CCDC66: variants seen among roughly 807,000 people sequenced by gnomAD.
CCDC66 encodes coiled-coil domain-containing protein 66.
In CCDC66, 133 loss-of-function variants were observed where a neutral mutation model predicts 128.3. That is an observed-to-expected ratio of 1.04 (90% CI 0.90 to 1.20). The LOEUF (loss-of-function observed/expected upper bound fraction) is 1.20, where lower values mean the gene tolerates loss of function less well. CCDC66 is among the 50% of genes most tolerant of loss of function. CCDC66 has a pLI of 0.00. For synonymous variants in CCDC66, 387 were observed against 357.0 expected, an observed-to-expected ratio of 1.08 and a Z score of -0.95; for missense variants, 1,126 against 1,075.5, an observed-to-expected ratio of 1.05 and a Z score of -0.66.
chr3:56,573,946 G>A (rs1199645372), intron 7 of CCDC66, among the ~76,000 whole-genome samples: 1 of 151,338 alleles, frequency 6.6e-6, no homozygotes, highest in East Asian at 2.0e-4. Context: ...AAAAATTTTT[G>A]GAATCAAAAG....
Position 56,618,165 on chromosome 3 carries a change from A to G in CCDC66, c.2338-7A>G. 9 of 1,608,208 alleles carry G rather than the reference A, an allele frequency of 5.6e-6. No individual in the cohort carries two copies. The highest frequency in any genetic ancestry group is 6.8e-6 in the Non-Finnish European group (8 of 1,174,804). On this transcript the variant is annotated splice_region_variant and splice_polypyrimidine_tract_variant and intron_variant, in intron 14 of 17. Coordinates refer to ENST00000394672, the MANE Select transcript of CCDC66 (RefSeq NM_001141947.3). ...TTCCTTTCTGCATTTATCTATCCAT[A>G]TTTTAGGAAGAAGAGCCTCTGAATA... is the stretch of plus-strand genomic sequence containing the variant.
chr3:56,619,917 A>C lies in CCDC66; in HGVS notation c.2760+16A>C. 1 of 1,612,734 alleles carries C rather than the reference A, an allele frequency of 6.2e-7. No individual in the cohort carries two copies. Among genetic ancestry groups the C allele is most frequent in the Non-Finnish European group, 8.5e-7 (1 of 1,179,384 alleles). The stretch of plus-strand genomic sequence containing the variant: ...ACTGAGACAGGTATGAGCTTTTTCA[A>C]GTGTAGATATGTCTGTTCTTTATGT... On this transcript the variant is annotated intron_variant, in intron 17 of 17. Transcript: ENST00000394672.
chr3:56,564,393 T>C (rs1195456386), intron 4 of CCDC66, among the ~76,000 whole-genome samples: 1 of 152,212 alleles, frequency 6.6e-6, no homozygotes, highest in Non-Finnish European at 1.5e-5. Context: ...ACTATTATTA[T>C]ACTTATTTTA....
chr3:56,581,011 A>C (rs988618647), intron 7 of CCDC66, among the ~76,000 whole-genome samples: 3 of 151,838 alleles, frequency 2.0e-5, no homozygotes, highest in Non-Finnish European at 4.4e-5. Flanking sequence ...GTGTTTTCCA[A>C]CTTGGTTCCA....
intron 10 of CCDC66, among the ~76,000 whole-genome samples, chr3:56,599,623 A>T (rs2107098998): frequency 6.6e-6 from 1 of 151,186 alleles, no homozygotes; most frequent in East Asian, 1.9e-4. Context: ...ATTTTTTTAA[A>T]TTTTTTCCTT....
At chr3:56,580,837 T>G (rs1450191393) in intron 7 of CCDC66, among the ~76,000 whole-genome samples, 1 of 151,870 alleles carries the variant, frequency 6.6e-6, no homozygotes, top group African/African-American at 2.4e-5. Context: ...CTGGCTGCCC[T>G]TAACATTTTT....
Position 56,563,688 on chromosome 3 carries a change from G to C in CCDC66, c.107G>C (p.Gly36Ala). 6.5e-7 allele frequency: 1 copy of C among 1,546,128 alleles called. No homozygotes were observed. ...AAGCTTCTGGTGTTTTAACAGATGG[G>C]AAATAAGGCCAAGATTGCAAAATGT... Reference protein sequence around the residue: ...EHKSKISVKMGNKAKIAKCPL... With the variant: ...EHKSKISVKMANKAKIAKCPL... Residue 36 changes from glycine (G) to alanine (A), a missense_variant, in exon 4 of 18, where the codon GGA becomes GCA. By Grantham distance (60) the Gly-to-Ala change is moderately conservative. Coordinates refer to ENST00000394672, the MANE Select transcript of CCDC66 (RefSeq NM_001141947.3).
At chr3:56,606,410 C>T (rs889356147) in intron 10 of CCDC66, among the ~76,000 whole-genome samples, 5 of 152,074 alleles carry the variant, frequency 3.3e-5, no homozygotes, top group African/African-American at 1.2e-4. Flanking sequence ...GTGGCATAGG[C>T]ACCAGAGGGA....
In CCDC66 at chr3:56,615,941, A is replaced by G; in HGVS notation, c.1731A>G (p.Glu577=). The G allele has an allele frequency of 3.1e-6, 5 of 1,597,842 alleles. No homozygotes were observed. Among genetic ancestry groups the G allele is most frequent in the Non-Finnish European group, 3.4e-6 (4 of 1,171,266 alleles). Residue 577 remains glutamate, a synonymous_variant, in exon 13 of 18, where the codon GAA becomes GAG. Transcript: ENST00000394672. Reference sequence around the variant, plus strand: ...TGCCAGTTGATACAATACAAATGGAATATAATGCATCTAACATTTCAAATT... The same window carrying G: ...TGCCAGTTGATACAATACAAATGGAGTATAATGCATCTAACATTTCAAATT... ...KNLGVDTIQM[E]YNASNISNSR...
intron 10 of CCDC66, among the ~76,000 whole-genome samples, chr3:56,602,411 G>T (rs1434830572): frequency 6.6e-6 from 1 of 152,032 alleles, no homozygotes. Flanking sequence ...TGTTCATCAG[G>T]GATATTGGCC....
chr3:56,604,919 AT>A (rs144932500), intron 10 of CCDC66, among the ~76,000 whole-genome samples: 4,864 of 151,972 alleles, frequency 0.032, 115 homozygotes, highest in Middle Eastern at 0.078. Context: ...TCAAACGTAG[AT>A]TTGGTCTTTT....
intron 10 of CCDC66, among the ~76,000 whole-genome samples, chr3:56,612,918 GA>G (rs2107327069): frequency 6.6e-6 from 1 of 152,304 alleles, no homozygotes; most frequent in Admixed American, 6.5e-5. Flanking sequence ...GCAGGGGTGG[GA>G]TGATTTCCCA....
intron 17 of CCDC66, chr3:56,620,598 C>T (rs1436081050): frequency 6.6e-6 from 1 of 152,186 alleles, no homozygotes; most frequent in African/African-American, 2.4e-5. Context: ...ATGTTTTTCC[C>T]TCTACAGAAC....
intron 3 of CCDC66, among the ~76,000 whole-genome samples, chr3:56,562,358 A>G (rs1577220668): frequency 6.6e-6 from 1 of 152,024 alleles, no homozygotes; most frequent in Non-Finnish European, 1.5e-5. Context: ...CCTCTCCTAC[A>G]TTTTTATTTT....
intron 1 of CCDC66, chr3:56,557,720 A>C (rs930930204): frequency 3.0e-5 from 5 of 167,558 alleles, no homozygotes; most frequent in African/African-American, 1.2e-4. Flanking sequence ...AAATCGATGT[A>C]GTACCAGTGC....
chr3:56,616,144 A>T, intron 13 of CCDC66, 91 bp downstream of exon 13: 1 of 1,241,078 alleles, frequency 8.1e-7, no homozygotes, highest in South Asian at 1.4e-5. Context: ...AAGTTCAAAA[A>T]TTAACAAAAC....
At chr3:56,592,946 A>G (rs973390644) in intron 7 of CCDC66, 24 bp from the exon 8 acceptor site, 2 of 1,597,124 alleles carry the variant, frequency 1.3e-6, no homozygotes, top group African/African-American at 2.7e-5. Flanking sequence ...TGAACTTTAG[A>G]TGGCTTTTAT....
intron 7 of CCDC66, among the ~76,000 whole-genome samples, chr3:56,577,580 T>C (rs112643876): frequency 0.77 from 117,184 of 151,620 alleles, 46,370 homozygotes; most frequent in Non-Finnish European, 0.86. Context: ...CATCTTGAGT[T>C]AATTTTTGTA....
chr3:56,557,516 A>G (rs1327702003), intron 1 of CCDC66, among the ~76,000 whole-genome samples: 1 of 152,206 alleles, frequency 6.6e-6, no homozygotes, highest in Non-Finnish European at 1.5e-5. Flanking sequence ...TATTTACCTC[A>G]GGATGAGGAG....
Sources: allele counts gnomAD v4.1 joint callset (sites outside exome capture counted in the v4.1 genomes callset), GRCh38; gene constraint gnomAD v4.1.1; transcripts MANE v1.5; gene names NCBI Gene and HGNC (gene_info 2026-07-23, HGNC 2026-07-21).